The following RBBP6 variants were observed in gnomAD, a reference collection of about 807,000 sequenced individuals.
RBBP6 encodes the protein RB binding protein 6, ubiquitin ligase, also known as E3 ubiquitin-protein ligase RBBP6.
A neutral mutation model predicts 167.7 loss-of-function variants in RBBP6; 25 were observed. The observed-to-expected ratio is 0.15, with a 90% CI of 0.11 to 0.21. The LOEUF (loss-of-function observed/expected upper bound fraction) is 0.21, where lower values mean the gene tolerates loss of function less well. Ranked by LOEUF, RBBP6 falls within the 10% of genes least tolerant of loss-of-function variation. RBBP6 has a pLI of 1.00. For synonymous variants in RBBP6, 789 were observed against 735.8 expected, an observed-to-expected ratio of 1.07 and a Z score of -1.17; for missense variants, 1,868 against 2,134.2, an observed-to-expected ratio of 0.88 and a Z score of 2.46.
chr16:24,542,143 C>A (rs1215484988), intron 1 of RBBP6, among the ~76,000 whole-genome samples: 1 of 152,160 alleles, frequency 6.6e-6, no homozygotes, highest in Non-Finnish European at 1.5e-5. Context: ...TATGTGTAAT[C>A]CTCTGCCTAA....
chr16:24,570,992 A>G lies in RBBP6; in HGVS notation c.3926A>G (p.Asp1309Gly), dbSNP rs769046837. 1.4e-5 allele frequency: 23 copies of G among 1,612,620 alleles called. No homozygotes were observed. Among genetic ancestry groups the G allele is most frequent in the Admixed American group, 5.0e-5 (3 of 60,000 alleles). Residue 1309 changes from aspartate (D) to glycine (G), a missense_variant, in exon 18 of 18, where the codon GAT becomes GGT. Around this residue, in one of 7 missense-constraint regions of RBBP6, gnomAD observed 19 missense variants for 40.5 expected, o/e 0.47. Transcript: ENST00000319715. ...AATGACAATACCGCGCCAGCTGAAGATGTTATCATTATGATTCAGGTTCCT... is the reference window on the plus strand; with the variant it reads ...AATGACAATACCGCGCCAGCTGAAGGTGTTATCATTATGATTCAGGTTCCT... Reference protein sequence around the residue: ...YNNDNTAPAEDVIIMIQVPQS... With the variant: ...YNNDNTAPAEGVIIMIQVPQS...
At chr16:24,555,401 C>T (rs1022597175) in intron 4 of RBBP6, 3 of 456,062 alleles carry the variant, frequency 6.6e-6, no homozygotes, top group Non-Finnish European at 1.2e-5. Context: ...TTTGAGTGCC[C>T]CCAGAATGAC....
At chr16:24,568,467 A>T (rs1899244980) in intron 16 of RBBP6, among the ~76,000 whole-genome samples, 1 of 152,212 alleles carries the variant, frequency 6.6e-6, no homozygotes, top group Admixed American at 6.5e-5. Context: ...ATTAATTGAC[A>T]TTTTGTTTAA....
At chr16:24,546,139 T>A in intron 1 of RBBP6, 24 bp from the exon 2 acceptor site, 1 of 1,556,666 alleles carries the variant, frequency 6.4e-7, no homozygotes, top group Non-Finnish European at 8.6e-7. Flanking sequence ...AAATGGAAAT[T>A]CAATTCTGTC....
In RBBP6 at chr16:24,540,535, G is replaced by A; in HGVS notation, c.-92G>A. ...GTCCTTCGGTGTCTTTGAGTGTTTT[G>A]TGTGTACATATTTTGCTCTTAAAGT... On this transcript the variant is annotated 5_prime_UTR_variant, in exon 1 of 18. In the 5' UTR this introduces an upstream ATG that the reference lacks. Coordinates refer to ENST00000319715, the MANE Select transcript of RBBP6 (RefSeq NM_006910.5). 7.6e-7 allele frequency: 1 copy of A among 1,312,316 alleles called. No homozygotes were observed. Among genetic ancestry groups the A allele is most frequent in the South Asian group, 1.4e-5 (1 of 69,038 alleles). 81.3% of individuals were successfully genotyped at this position (1,312,316 alleles called of 1,614,324 possible). A position where few individuals can be genotyped will look rare whatever the true frequency, so the allele number is the denominator to read the frequency against.
rs758382587 is a variant in RBBP6, at chr16:24,569,503, A to G, written c.2813A>G (p.Lys938Arg). 6.2e-7 allele frequency: 1 copy of G among 1,608,614 alleles called. No individual in the cohort carries two copies. Among genetic ancestry groups the G allele is most frequent in the Non-Finnish European group, 8.5e-7 (1 of 1,178,708 alleles). Residue 938 changes from lysine to arginine, a missense_variant, in exon 17 of 18, where the codon AAA becomes AGA. Around this residue, in one of 7 missense-constraint regions of RBBP6, gnomAD observed 673 missense variants for 691.5 expected, o/e 0.97. Coordinates refer to ENST00000319715, the MANE Select transcript of RBBP6 (RefSeq NM_006910.5). ...GKGNKHKKHRKRRKGEESEGF... is the reference protein window; with the variant it reads ...GKGNKHKKHRRRRKGEESEGF... ...GGAAATAAGCATAAGAAACACAGAA[A>G]AAGAAGAAAAGGGGAGGAAAGTGAG...
chr16:24,543,110 A>G (rs972743313), intron 1 of RBBP6, among the ~76,000 whole-genome samples: 1 of 152,208 alleles, frequency 6.6e-6, no homozygotes, highest in East Asian at 1.9e-4. Flanking sequence ...GTAGAATGCC[A>G]TTTGGTTTTA....
intron 7 of RBBP6, chr16:24,558,615 G>T: frequency 7.5e-6 from 5 of 663,662 alleles, no homozygotes; most frequent in Non-Finnish European, 9.3e-6. Flanking sequence ...AAATAGAAAG[G>T]GTTTCTCTAG....
At position 24,551,790 on chromosome 16, in the gene RBBP6, A is replaced by G. The variant is rs562604229; in HGVS notation, c.304-1723A>G. Among the ~76,000 whole-genome samples, 7 of 151,866 alleles carry G rather than the reference A, an allele frequency of 4.6e-5. No homozygotes were observed. In the South Asian group the frequency reaches 1.4e-3, roughly 31 times the overall value. The stretch of plus-strand genomic sequence containing the variant: ...ATTCTATTCTAGATAGTAATGGGCT[A>G]TTTTTAAAGACTATTTGTTTTATTG... On this transcript the variant is annotated intron_variant, in intron 3 of 17. Coordinates refer to ENST00000319715, the MANE Select transcript of RBBP6 (RefSeq NM_006910.5).
chr16:24,542,184 A>G (rs1295061369), intron 1 of RBBP6, among the ~76,000 whole-genome samples: 1 of 152,234 alleles, frequency 6.6e-6, no homozygotes, highest in Non-Finnish European at 1.5e-5. Context: ...GGTCATGAAC[A>G]GTTGAGAAAT....
intron 7 of RBBP6, among the ~76,000 whole-genome samples, chr16:24,558,029 T>A (rs1216317213): frequency 6.6e-6 from 1 of 152,252 alleles, no homozygotes; most frequent in East Asian, 1.9e-4. Context: ...TGTTATGCTG[T>A]TTCTAATTCA....
chr16:24,545,097 G>GA (rs144553426), intron 1 of RBBP6, among the ~76,000 whole-genome samples: 167 of 151,670 alleles, frequency 1.1e-3, no homozygotes, highest in African/African-American at 4.0e-3. Context: ...GTCTTTTTTT[G>GA]AGACAGAGTC....
At chr16:24,541,972 G>T (rs8061498) in intron 1 of RBBP6, among the ~76,000 whole-genome samples, 2,062 of 152,276 alleles carry the variant, frequency 0.014, 52 homozygotes, top group African/African-American at 0.048. Flanking sequence ...TTACAATGCA[G>T]ACCTAAGTAT....
chr16:24,572,501 T>C lies in RBBP6; in HGVS notation c.*56T>C. The C allele has an allele frequency of 6.8e-7, 1 of 1,473,890 alleles. No homozygotes were observed. The highest frequency in any genetic ancestry group is 1.4e-5 in the South Asian group (1 of 69,172). 91.3% of individuals were successfully genotyped at this position (1,473,890 alleles called of 1,614,324 possible). On this transcript the variant is annotated 3_prime_UTR_variant, in exon 18 of 18. Transcript: ENST00000319715. ...CTAAGTCATCTGTATTAAATTTTGT[T>C]ATAATGTAAAGAGATTCAAGCCTTG...
intron 14 of RBBP6, 139 bp downstream of exon 14, chr16:24,565,004 T>TA: frequency 7.5e-7 from 1 of 1,340,478 alleles, no homozygotes; most frequent in Non-Finnish European, 9.7e-7. Context: ...AAGTCCTGGG[T>TA]AGTTGTCCTT....
intron 3 of RBBP6, chr16:24,553,240 C>G (rs1898840271): frequency 3.0e-6 from 1 of 336,216 alleles, no homozygotes; most frequent in African/African-American, 2.1e-5. Flanking sequence ...TCCTAGTATT[C>G]AGTCGACACT....
intron 1 of RBBP6, among the ~76,000 whole-genome samples, chr16:24,540,994 G>A (rs1898471149): frequency 6.6e-6 from 1 of 151,986 alleles, no homozygotes; most frequent in African/African-American, 2.4e-5. Flanking sequence ...GCATACTTGG[G>A]TCATCTGTAA....
At chr16:24,551,405 C>T (rs913342815) in intron 3 of RBBP6, among the ~76,000 whole-genome samples, 3 of 151,662 alleles carry the variant, frequency 2.0e-5, no homozygotes, top group Non-Finnish European at 4.4e-5. Context: ...ACATTTTTTG[C>T]TCATTTCTGA....
chr16:24,553,439 A>G (rs1451295324), intron 3 of RBBP6, 74 bp from the exon 4 acceptor site: 1 of 1,274,476 alleles, frequency 7.8e-7, no homozygotes, highest in Non-Finnish European at 1.1e-6. Flanking sequence ...TTAAGGTGTC[A>G]ATAGGGGCTA....
Sources: allele counts gnomAD v4.1 joint callset (sites outside exome capture counted in the v4.1 genomes callset), GRCh38; gene constraint gnomAD v4.1.1; regional missense constraint gnomAD v4.1.1; transcripts MANE v1.5; gene names NCBI Gene and HGNC (gene_info 2026-07-23, HGNC 2026-07-21).